PDE4D: variants seen among roughly 807,000 people sequenced by gnomAD.
PDE4D encodes phosphodiesterase 4D.
In PDE4D, 24 loss-of-function variants were observed where a neutral mutation model predicts 87.4. That is an observed-to-expected ratio of 0.27 (90% CI 0.20 to 0.39). The LOEUF is 0.39. Among genes scored for constraint, PDE4D ranks in the 10% least tolerant of loss-of-function variants. The pLI, the probability that PDE4D is intolerant of heterozygous loss-of-function variation, is 1.00. For missense variants in PDE4D, 714 were observed against 1,041.0 expected (o/e 0.69, Z 4.32); for synonymous variants, 384 against 383.2 (o/e 1.00, Z -0.02).
At chr5:59,045,144 C>G (rs1015513335) in intron 5 of PDE4D, among the ~76,000 whole-genome samples, 13 of 152,150 alleles carry the variant, frequency 8.5e-5, no homozygotes, top group African/African-American at 3.1e-4. Flanking sequence ...CTATTTAAAT[C>G]AGACAGGGAC....
intron 3 of PDE4D, among the ~76,000 whole-genome samples, chr5:59,960,740 A>T (rs1195448782): frequency 2.0e-5 from 3 of 152,100 alleles, no homozygotes; most frequent in African/African-American, 7.2e-5. Flanking sequence ...GGGCTGAAAA[A>T]CTTCCAATTG....
chr5:59,341,540 A>T (rs923685797), intron 1 of PDE4D, among the ~76,000 whole-genome samples: 2 of 152,214 alleles, frequency 1.3e-5, no homozygotes, highest in African/African-American at 4.8e-5. Flanking sequence ...TGTGTACTTG[A>T]CACTTGGCTA....
chr5:59,314,171 A>T (rs1456019773), intron 1 of PDE4D: 1 of 152,098 alleles, frequency 6.6e-6, no homozygotes, highest in African/African-American at 2.4e-5. Context: ...GTATTTTTAT[A>T]TGGACCTAAA....
At chr5:60,210,178 A>G (rs1285474068) in intron 1 of PDE4D, among the ~76,000 whole-genome samples, 1 of 152,182 alleles carries the variant, frequency 6.6e-6, no homozygotes, top group Non-Finnish European at 1.5e-5. Context: ...AACTCAAAAT[A>G]AAAGCAAAGC....
At chr5:59,335,381 A>C (rs1295313589) in intron 1 of PDE4D, among the ~76,000 whole-genome samples, 1 of 152,210 alleles carries the variant, frequency 6.6e-6, no homozygotes, top group Non-Finnish European at 1.5e-5. Context: ...AAGTGCCCAT[A>C]ACTCAGGAAA....
At chr5:60,205,105 G>A (rs371337724) in intron 1 of PDE4D, among the ~76,000 whole-genome samples, 1 of 152,088 alleles carries the variant, frequency 6.6e-6, no homozygotes, top group African/African-American at 2.4e-5. Context: ...CTGCCTGAGA[G>A]CTCCTTTAAG....
intron 1 of PDE4D, among the ~76,000 whole-genome samples, chr5:59,441,519 C>T (rs1177133209): frequency 6.6e-6 from 1 of 152,206 alleles, no homozygotes; most frequent in Non-Finnish European, 1.5e-5. Flanking sequence ...TTCCCAGATG[C>T]TTCACCATCC....
At chr5:59,385,111 C>T (rs984320907) in intron 1 of PDE4D, among the ~76,000 whole-genome samples, 13 of 152,128 alleles carry the variant, frequency 8.5e-5, no homozygotes, top group Admixed American at 4.6e-4. Flanking sequence ...TTTCAGCCTC[C>T]TCCTCAACAC....
intron 1 of PDE4D, among the ~76,000 whole-genome samples, chr5:60,249,670 C>G (rs1441627374): frequency 1.3e-5 from 2 of 151,974 alleles, no homozygotes; most frequent in Non-Finnish European, 2.9e-5. Flanking sequence ...TATTCCAAAC[C>G]TATTTTCTGA....
At chr5:60,488,373 A>G (rs1032657744), upstream of PDE4D, 1 of 151,832 alleles carries the variant, frequency 6.6e-6, no homozygotes, top group African/African-American at 2.4e-5. Flanking sequence ...GCGCTACGGG[A>G]CCCGAGCCGT....
intron 6 of PDE4D, chr5:58,999,504 A>G: frequency 6.5e-7 from 1 of 1,532,810 alleles, no homozygotes; most frequent in Non-Finnish European, 8.9e-7. Flanking sequence ...TGTAGCCCCA[A>G]GACACTGACA....
chr5:59,570,508 T>C (rs1345373332), intron 1 of PDE4D, among the ~76,000 whole-genome samples: 2 of 152,130 alleles, frequency 1.3e-5, no homozygotes, highest in African/African-American at 4.8e-5. Context: ...AAAAAGACAA[T>C]GCAGATGAGA....
intron 2 of PDE4D, among the ~76,000 whole-genome samples, chr5:60,026,026 A>G (rs184551995): frequency 1.4e-3 from 218 of 152,338 alleles, no homozygotes; most frequent in Non-Finnish European, 2.5e-3. Flanking sequence ...TTAAAAAGGT[A>G]ATGTGGTGAT....
intron 1 of PDE4D, among the ~76,000 whole-genome samples, chr5:59,581,228 T>A (rs1824078365): frequency 6.6e-6 from 1 of 152,162 alleles, no homozygotes. Context: ...GGGATTTTTT[T>A]AAAAAGGAAC....
At chr5:59,776,399 T>C (rs926340068) in intron 1 of PDE4D, among the ~76,000 whole-genome samples, 20 of 152,236 alleles carry the variant, frequency 1.3e-4, no homozygotes, top group Non-Finnish European at 1.3e-4. Context: ...TGAGCCAATA[T>C]AGTCTCTTCC....
At chr5:60,433,908 C>A (rs1027906327) in intron 1 of PDE4D, among the ~76,000 whole-genome samples, 5 of 152,042 alleles carry the variant, frequency 3.3e-5, no homozygotes, top group African/African-American at 4.8e-5. Flanking sequence ...GGACAGACAG[C>A]GGGGCCTATT....
At chr5:59,837,478 C>A (rs1301651729) in intron 1 of PDE4D, among the ~76,000 whole-genome samples, 2 of 152,044 alleles carry the variant, frequency 1.3e-5, no homozygotes, top group Non-Finnish European at 1.5e-5. Flanking sequence ...TCCACTAGGG[C>A]AGGAATGTGC....
At position 59,098,965 on chromosome 5, in the gene PDE4D, G is replaced by T. The variant is rs572376385; in HGVS notation, c.809-59994C>A. 1.2e-4 allele frequency among the ~76,000 whole-genome samples: 19 copies of T among 152,230 alleles called. 1 individual carries two copies. The South Asian group carries it at 3.7e-3, about 30-fold the overall frequency. On this transcript the variant is annotated intron_variant, in intron 5 of 14. Coordinates refer to ENST00000340635, the MANE Select transcript of PDE4D (RefSeq NM_001104631.2). ...TAAAAGTGAGTGCTTCTAGGCAGGA[G>T]CTCCCTCTGCTAACATGTAGTTGGC... is the stretch of plus-strand genomic sequence containing the variant.
intron 1 of PDE4D, among the ~76,000 whole-genome samples, chr5:59,681,174 G>A (rs1416519338): frequency 6.6e-6 from 1 of 151,994 alleles, no homozygotes; most frequent in Non-Finnish European, 1.5e-5. Flanking sequence ...AAACCAAAAA[G>A]TAAAAAAGTA....
Sources: gnomAD v4.1 joint callset for allele counts (sites outside exome capture counted in the v4.1 genomes callset) on GRCh38, gnomAD v4.1.1 for gene constraint, MANE v1.5 for transcripts, NCBI Gene and HGNC (gene_info 2026-07-23, HGNC 2026-07-21) for gene names.